Variants in STK32C observed in about 807,000 individuals in gnomAD.
The protein encoded by STK32C is serine/threonine kinase 32C.
Under a neutral mutation model 56.5 loss-of-function variants are expected in STK32C, and 31 were observed. That is an observed-to-expected ratio of 0.55 (90% CI 0.41 to 0.74). STK32C has a LOEUF of 0.74. Among genes scored for constraint, STK32C ranks in the 30% least tolerant of loss-of-function variants. The pLI is 0.00. For missense variants in STK32C, 544 were observed against 676.9 expected (o/e 0.80, Z 2.18); for synonymous variants, 309 against 289.4 (o/e 1.07, Z -0.69).
In STK32C at chr10:132,307,891, CG is replaced by C; in HGVS notation, c.-59del. On this transcript the variant is annotated 5_prime_UTR_variant, in exon 1 of 12. Coordinates refer to ENST00000298630, the MANE Select transcript of STK32C (RefSeq NM_173575.4). The surrounding 1 kb of genome is among the most constrained non-coding windows in gnomAD (Gnocchi z 4.4). ...TCGGGGCATGGCCGGCCGGCAGGGC[CG>C]GGAGCGGCAGTGGTAGCGGGAGCGC... The C allele has an allele frequency of 8.8e-7, 1 of 1,130,498 alleles. No individual in the cohort carries two copies. Among genetic ancestry groups the C allele is most frequent in the South Asian group, 1.9e-5 (1 of 51,452 alleles). 70.0% of individuals were successfully genotyped at this position (1,130,498 alleles called of 1,614,324 possible). A position where few individuals can be genotyped will look rare whatever the true frequency, so the allele number is the denominator to read the frequency against.
intron 2 of STK32C, among the ~76,000 whole-genome samples, chr10:132,243,486 G>A (rs1251732236): frequency 6.6e-6 from 1 of 152,148 alleles, no homozygotes; most frequent in East Asian, 1.9e-4. Flanking sequence ...GGGAGAAACA[G>A]ATTTTCTCCA....
chr10:132,229,448 G>A (rs952050834), intron 2 of STK32C, among the ~76,000 whole-genome samples: 2 of 152,216 alleles, frequency 1.3e-5, no homozygotes, highest in Non-Finnish European at 1.5e-5. Flanking sequence ...AGTGAGCCAC[G>A]ACTGTACCAC....
intron 1 of STK32C, among the ~76,000 whole-genome samples, chr10:132,302,892 G>A (rs949068975): frequency 5.9e-5 from 9 of 152,088 alleles, no homozygotes; most frequent in African/African-American, 1.2e-4. Context: ...AAACCATCAC[G>A]GGGCCACTAG....
intron 1 of STK32C, among the ~76,000 whole-genome samples, chr10:132,327,504 C>G (rs2066523805): frequency 6.6e-6 from 1 of 151,150 alleles, no homozygotes; most frequent in South Asian, 2.1e-4. Flanking sequence ...GAGACAGGGT[C>G]TTGCTCTGTC....
intron 1 of STK32C, among the ~76,000 whole-genome samples, chr10:132,258,993 C>T (rs2064217718): frequency 6.6e-6 from 1 of 152,228 alleles, no homozygotes; most frequent in Non-Finnish European, 1.5e-5. Flanking sequence ...AAAGCATTCA[C>T]TCGACAACAC....
At chr10:132,273,460 C>G (rs1482115769) in intron 1 of STK32C, among the ~76,000 whole-genome samples, 2 of 152,028 alleles carry the variant, frequency 1.3e-5, no homozygotes, top group Admixed American at 6.5e-5. Context: ...TGAATGAAAA[C>G]ACAGTGAGTG....
intron 1 of STK32C, among the ~76,000 whole-genome samples, chr10:132,253,564 C>T (rs1187650907): frequency 8.4e-6 from 1 of 118,348 alleles, no homozygotes; most frequent in Non-Finnish European, 1.6e-5. Context: ...TGGAGGGAGT[C>T]GAGGGAGCTG....
intron 4 of STK32C, among the ~76,000 whole-genome samples, chr10:132,226,265 A>G (rs1337612213): frequency 6.6e-6 from 1 of 152,234 alleles, no homozygotes; most frequent in Non-Finnish European, 1.5e-5. Flanking sequence ...TACCTCACAG[A>G]TATTTTCATT....
intron 1 of STK32C, among the ~76,000 whole-genome samples, chr10:132,295,414 A>C (rs1288594494): frequency 1.3e-5 from 2 of 152,356 alleles, no homozygotes; most frequent in Admixed American, 1.3e-4. Flanking sequence ...GCACCGAAGA[A>C]GGGGTGTTGA....
At chr10:132,267,273 C>T (rs1407936424) in intron 1 of STK32C, among the ~76,000 whole-genome samples, 1 of 152,232 alleles carries the variant, frequency 6.6e-6, no homozygotes, top group Admixed American at 6.5e-5. Flanking sequence ...TGCGAGAAGT[C>T]TGCACAGCCC....
intron 1 of STK32C, among the ~76,000 whole-genome samples, chr10:132,313,208 G>A (rs1441420665): frequency 6.6e-6 from 1 of 152,138 alleles, no homozygotes; most frequent in Admixed American, 6.5e-5. Context: ...GGCTCTTTGT[G>A]GCAATAAGAT....
intron 1 of STK32C, among the ~76,000 whole-genome samples, chr10:132,251,262 C>T (rs934842672): frequency 7.9e-5 from 12 of 152,148 alleles, no homozygotes; most frequent in Non-Finnish European, 1.5e-4. Context: ...CATGGGGGCC[C>T]GTGGAGGGGG....
At chr10:132,331,734 C>T (rs1179505809) in exon 1 of STK32C, 2 of 1,612,350 alleles carry the variant, frequency 1.2e-6, no homozygotes, top group Non-Finnish European at 1.7e-6. Flanking sequence ...CGGCACTTAG[C>T]ATCCCGCTCT....
chr10:132,331,087 G>A (rs1051054244), intron 1 of STK32C, among the ~76,000 whole-genome samples: 1 of 150,150 alleles, frequency 6.7e-6, no homozygotes, highest in Non-Finnish European at 1.5e-5. Flanking sequence ...TGTAGTCCCA[G>A]CTACTGGGGA....
At chr10:132,271,290 C>T (rs1267091911) in intron 1 of STK32C, among the ~76,000 whole-genome samples, 2 of 151,990 alleles carry the variant, frequency 1.3e-5, no homozygotes, top group Non-Finnish European at 2.9e-5. Flanking sequence ...GTAAAGCAGG[C>T]AGCCCTACAG....
At chr10:132,302,316 A>G (rs1257300431) in intron 1 of STK32C, among the ~76,000 whole-genome samples, 1 of 152,220 alleles carries the variant, frequency 6.6e-6, no homozygotes, top group East Asian at 1.9e-4. Context: ...AAAATGCACA[A>G]CCAGATGGAT....
At chr10:132,218,098 G>A (rs1036311531) in intron 10 of STK32C, among the ~76,000 whole-genome samples, 6 of 152,118 alleles carry the variant, frequency 3.9e-5, no homozygotes, top group African/African-American at 1.4e-4. Context: ...GAGGTGGGAG[G>A]ACTCCAAGAG....
chr10:132,283,159 G>A (rs1292059666), intron 1 of STK32C, among the ~76,000 whole-genome samples: 5 of 152,246 alleles, frequency 3.3e-5, no homozygotes, highest in African/African-American at 9.6e-5. Context: ...GAGGCCGGCC[G>A]AGGCCCCAGG....
downstream of STK32C, among the ~76,000 whole-genome samples, chr10:132,321,251 C>G (rs1307246944): frequency 6.6e-6 from 1 of 152,210 alleles, no homozygotes; most frequent in East Asian, 1.9e-4. Flanking sequence ...AGAATAGATG[C>G]AAGCTGCATC....
Sources: allele counts gnomAD v4.1 joint callset (sites outside exome capture counted in the v4.1 genomes callset), GRCh38; gene constraint gnomAD v4.1.1; non-coding constraint Gnocchi (gnomAD v3.1); transcripts MANE v1.5; gene names NCBI Gene and HGNC (gene_info 2026-07-23, HGNC 2026-07-21).